The following POLE variants were observed in gnomAD, a reference collection of about 807,000 sequenced individuals.
POLE encodes the protein DNA polymerase epsilon catalytic subunit A.
POLE carries 188 observed loss-of-function variants against 279.2 expected under a neutral mutation model. The observed-to-expected ratio is 0.67, with a 90% CI of 0.60 to 0.76. The LOEUF is 0.76. POLE is among the 30% of genes least tolerant of loss of function. POLE has a pLI of 0.00. For synonymous variants in POLE, 1,214 were observed against 1,172.5 expected (o/e 1.04, Z -0.72); for missense variants, 2,703 against 3,016.7 (o/e 0.90, Z 2.44).
chr12:132,638,990 A>C, intron 40 of POLE, 135 bp downstream of exon 40: 1 of 763,112 alleles, frequency 1.3e-6, no homozygotes. Flanking sequence ...GATCCTTTGG[A>C]TTGTTATGCT....
At chr12:132,636,962 C>A (rs1172807937) in intron 41 of POLE, among the ~76,000 whole-genome samples, 2 of 152,216 alleles carry the variant, frequency 1.3e-5, no homozygotes, top group Non-Finnish European at 2.9e-5. Flanking sequence ...CCCCGGCCTC[C>A]TCAGGTACAG....
rs1167117347 is a variant in POLE, at chr12:132,658,881, CAAAAAAA to C, written c.3275+407_3275+413del. On this transcript the variant is annotated intron_variant, in intron 26 of 48. Coordinates refer to ENST00000320574, the MANE Select transcript of POLE (RefSeq NM_006231.4). ...ACTGGTCCTATTTGTATATAACCAC[CAAAAAAA>C]AAAAAAAAAAAAAAAAAAAAGAGCA... Among the ~76,000 whole-genome samples the C allele has an allele frequency of 5.5e-3, 185 of 33,834 alleles. 3 individuals carry two copies. The highest frequency in any genetic ancestry group is 0.025 in the East Asian group (27 of 1,064). The allele number at this position is 33,834 out of a possible 152,430, so 22.2% of individuals were successfully genotyped here.
rs558841666 is a variant in POLE at position 132,639,422 on chromosome 12, G to A, written c.5379-124C>T. 22 of 811,716 alleles carry A rather than the reference G, an allele frequency of 2.7e-5. No homozygotes were observed. In the East Asian group the frequency reaches 3.7e-4, roughly 14 times the overall value. 50.3% of individuals were successfully genotyped at this position (811,716 alleles called of 1,614,324 possible). On this transcript the variant is annotated intron_variant, in intron 39 of 48. Transcript: ENST00000320574. The surrounding 1 kb of genome is among the most constrained non-coding windows in gnomAD (Gnocchi z 4.7). ...GGCTGGGTCCAAATCCGTCACTGTC[G>A]CCTCCCCTTCTCACTGTCCCCACCT...
At chr12:132,642,127 G>T in intron 38 of POLE, 50 bp downstream of exon 38, 2 of 1,411,792 alleles carry the variant, frequency 1.4e-6, no homozygotes, top group Non-Finnish European at 1.9e-6. Flanking sequence ...GTCACAGAAT[G>T]GCAGAAACAC....
chr12:132,653,629 A>G (rs1360144717), intron 29 of POLE, among the ~76,000 whole-genome samples: 1 of 152,348 alleles, frequency 6.6e-6, no homozygotes, highest in Non-Finnish European at 1.5e-5. Flanking sequence ...CCTGTAAATA[A>G]TAAGTTGATG....
At chr12:132,665,011 C>T (rs1197097118) in intron 21 of POLE, among the ~76,000 whole-genome samples, 5 of 152,124 alleles carry the variant, frequency 3.3e-5, no homozygotes, top group African/African-American at 1.2e-4. Flanking sequence ...AGGATCCACG[C>T]TGGGAGACAT....
chr12:132,637,985 G>A (rs2138499311), intron 41 of POLE, 29 bp downstream of exon 41: 1 of 1,612,390 alleles, frequency 6.2e-7, no homozygotes, highest in South Asian at 1.1e-5. Context: ...AAGCCACAGT[G>A]CTGCGTCACC....
chr12:132,638,011 C>T lies in POLE; in HGVS notation c.5678+3G>A, dbSNP rs1060500826. The T allele has an allele frequency of 3.1e-6, 5 of 1,613,676 alleles. No individual in the cohort carries two copies. In the Admixed American group the frequency reaches 6.7e-5, roughly 22 times the overall value. ...CTGCGTCACCAGGACCAGCCAGCCG[C>T]ACCTGCTGGTGATGTACTCCACGTA... is the stretch of plus-strand genomic sequence containing the variant. On this transcript the variant is annotated splice_donor_region_variant and intron_variant, in intron 41 of 48. Coordinates refer to ENST00000320574, the MANE Select transcript of POLE (RefSeq NM_006231.4).
intron 6 of POLE, 45 bp downstream of exon 6, chr12:132,679,452 G>A: frequency 1.3e-6 from 2 of 1,565,172 alleles, no homozygotes; most frequent in South Asian, 2.3e-5. Flanking sequence ...TATCCATCTT[G>A]TCGTTCTGAA....
rs1565962323 is a variant in POLE, at chr12:132,665,362, G to A, written c.2408C>T (p.Ser803Leu). 2.5e-6 allele frequency: 4 copies of A among 1,613,920 alleles called. No homozygotes were observed. The highest frequency in any genetic ancestry group is 1.3e-5 in the African/African-American group (1 of 74,982). Residue 803 changes from serine to leucine, a missense_variant, in exon 21 of 49, where the codon TCG becomes TTG. This residue lies in a region of POLE where 1,011 missense variants were observed against 1,111.7 expected (regional missense o/e 0.91). Coordinates refer to ENST00000320574, the MANE Select transcript of POLE (RefSeq NM_006231.4). ...RCKNMEVLYDSLQLAHKCILN... is the reference protein window; with the variant it reads ...RCKNMEVLYDLLQLAHKCILN... ...GATGCACTTGTGGGCCAGCTGCAGC[G>A]AGTCATACAGCACCTCCATGTTCTT...
intron 6 of POLE, 47 bp from the exon 7 acceptor site, chr12:132,677,766 G>A (rs1477492188): frequency 6.3e-7 from 1 of 1,594,550 alleles, no homozygotes; most frequent in East Asian, 2.2e-5. Context: ...AGGGTCTGGA[G>A]GAGGTGAGAC....
At chr12:132,641,129 G>A (rs1326154854) in intron 39 of POLE, 1 of 452,000 alleles carries the variant, frequency 2.2e-6, no homozygotes, top group Non-Finnish European at 4.5e-6. Context: ...TGGGGACAGA[G>A]GCAGAATGCG....
At chr12:132,681,940 T>A (rs1294898173) in intron 1 of POLE, among the ~76,000 whole-genome samples, 1 of 152,110 alleles carries the variant, frequency 6.6e-6, no homozygotes, top group Non-Finnish European at 1.5e-5. Flanking sequence ...ATCCCAAAAC[T>A]TTGGGAGGCC....
chr12:132,674,808 T>C (rs1419102660), intron 12 of POLE, among the ~76,000 whole-genome samples: 2 of 151,720 alleles, frequency 1.3e-5, no homozygotes, highest in East Asian at 3.9e-4. Flanking sequence ...TGGAGGCCCC[T>C]CCATTCCCTT....
chr12:132,680,915 T>C (rs2043152582), intron 2 of POLE: 2 of 630,250 alleles, frequency 3.2e-6, no homozygotes, highest in Non-Finnish European at 5.5e-6. Flanking sequence ...GAAAGCTTTA[T>C]TCTGATGGCT....
chr12:132,668,231 G>C lies in POLE; in HGVS notation c.2173+125C>G, dbSNP rs373977331. On this transcript the variant is annotated intron_variant, in intron 19 of 48. Coordinates refer to ENST00000320574, the MANE Select transcript of POLE (RefSeq NM_006231.4). The surrounding 1 kb of genome is among the most constrained non-coding windows in gnomAD (Gnocchi z 4.0). ...GCACAGCTTACAGTGACCTAGAGCA[G>C]CTTCTGGTCTGCTGTGACAACACCT... 1.8e-6 allele frequency: 2 copies of C among 1,108,712 alleles called. No individual in the cohort carries two copies. The highest frequency in any genetic ancestry group is 2.5e-5 in the Admixed American group (1 of 39,390). The allele number at this position is 1,108,712 out of a possible 1,614,324, so 68.7% of individuals were successfully genotyped here. A position where few individuals can be genotyped will look rare whatever the true frequency, so the allele number is the denominator to read the frequency against.
Position 132,634,395 on chromosome 12 carries a change from AAC to A in POLE, c.5812-19_5812-18del. 6.2e-7 allele frequency: 1 copy of A among 1,608,602 alleles called. No homozygotes were observed. Among genetic ancestry groups the A allele is most frequent in the South Asian group, 1.1e-5 (1 of 90,596 alleles). On this transcript the variant is annotated intron_variant, in intron 42 of 48. Coordinates refer to ENST00000320574, the MANE Select transcript of POLE (RefSeq NM_006231.4). The surrounding 1 kb of genome is among the most constrained non-coding windows in gnomAD (Gnocchi z 4.0). ...GGAGTCTTGCTGTAACACATGAGAC[AAC>A]GCGGCTGTGTTTGCACCATCGCGGC...
chr12:132,677,415 C>T lies in POLE; in HGVS notation c.749G>A (p.Gly250Glu), dbSNP rs2043078954. Residue 250 changes from glycine (G) to glutamate (E), a missense_variant, in exon 8 of 49, where the codon GGA becomes GAA. Coordinates refer to ENST00000320574, the MANE Select transcript of POLE (RefSeq NM_006231.4). ...VAHWYNVRYR[G>E]NAFPVEITRR... ...GGTGATTTCTACCGGAAAAGCATTTCCTCGGTATCTGACATTGTACCAATG... is the reference window on the plus strand; with the variant it reads ...GGTGATTTCTACCGGAAAAGCATTTTCTCGGTATCTGACATTGTACCAATG... 2.5e-6 allele frequency: 4 copies of T among 1,614,112 alleles called. No homozygotes were observed. The highest frequency in any genetic ancestry group is 1.7e-4 in the Middle Eastern group (1 of 6,060).
intron 16 of POLE, among the ~76,000 whole-genome samples, chr12:132,669,777 G>A (rs1411902181): frequency 1.3e-5 from 2 of 152,192 alleles, no homozygotes; most frequent in African/African-American, 4.8e-5. Flanking sequence ...ACCTGGACAT[G>A]CCCCACGTGG....
Sources: gnomAD v4.1 joint callset for allele counts (sites outside exome capture counted in the v4.1 genomes callset) on GRCh38, gnomAD v4.1.1 for gene constraint, gnomAD v4.1.1 regional missense constraint, Gnocchi (gnomAD v3.1) non-coding constraint, MANE v1.5 for transcripts, NCBI Gene and HGNC (gene_info 2026-07-23, HGNC 2026-07-21) for gene names.